Variants in DERA observed in about 807,000 individuals in gnomAD.
DERA encodes deoxyribose-phosphate aldolase, also known as 2-deoxy-D-ribose 5-phosphate aldolase.
DERA carries 15 observed loss-of-function variants against 41.1 expected under a neutral mutation model. That is an observed-to-expected ratio of 0.37 (90% CI 0.24 to 0.56). The LOEUF (loss-of-function observed/expected upper bound fraction) is 0.56, where lower values mean the gene tolerates loss of function less well. Among genes scored for constraint, DERA ranks in the 20% least tolerant of loss-of-function variants. The pLI, the probability that DERA is intolerant of heterozygous loss-of-function variation, is 0.81. For missense variants in DERA, 396 were observed against 403.4 expected (o/e 0.98, Z 0.16); for synonymous variants, 139 against 137.4 (o/e 1.01, Z -0.08).
rs1253874161 is a variant in DERA at position 15,922,481 on chromosome 12, T to C, written c.31+11067T>C. ...TGAGTGTTGCATTAAACTACTAATA[T>C]AGAGAAATTTTGGGACACAGTGATT... On this transcript the variant is annotated intron_variant, in intron 1 of 8. Coordinates refer to ENST00000428559, the MANE Select transcript of DERA (RefSeq NM_015954.4). This position sits in a 1 kb window ranked among gnomAD's most constrained non-coding sequence, Gnocchi z 4.9. Among the ~76,000 whole-genome samples the C allele has an allele frequency of 2.6e-5, 4 of 152,250 alleles. No individual in the cohort carries two copies. Among genetic ancestry groups the C allele is most frequent in the South Asian group, 4.1e-4 (2 of 4,822 alleles).
chr12:15,949,398 G>A (rs1328770400), intron 1 of DERA, among the ~76,000 whole-genome samples: 2 of 152,118 alleles, frequency 1.3e-5, no homozygotes, highest in Non-Finnish European at 2.9e-5. Flanking sequence ...CTCAGCAATG[G>A]CAGGCACCCC....
intron 1 of DERA, among the ~76,000 whole-genome samples, chr12:15,937,128 A>T (rs898051918): frequency 6.6e-6 from 1 of 151,768 alleles, no homozygotes; most frequent in African/African-American, 2.4e-5. Context: ...GCTAATTTTT[A>T]ATTTTTTTGT....
At chr12:15,912,919 G>A (rs751933554) in intron 1 of DERA, among the ~76,000 whole-genome samples, 3 of 152,154 alleles carry the variant, frequency 2.0e-5, no homozygotes, top group Non-Finnish European at 4.4e-5. Context: ...AGCTGATTAT[G>A]TTTTAAACTC....
rs1948621488 is a variant in DERA, at chr12:15,966,171, T to C, written c.508+3224T>C. Among the ~76,000 whole-genome samples, 1 of 152,118 alleles carries C rather than the reference T, an allele frequency of 6.6e-6. No individual in the cohort carries two copies. The highest frequency in any genetic ancestry group is 6.5e-5 in the Admixed American group (1 of 15,268). ...GCTGAAACAGGCACTTTGGGAGGCC[T>C]CATCACCTCTTGCTCTGCTGCCGCC... is the stretch of plus-strand genomic sequence containing the variant. On this transcript the variant is annotated intron_variant, in intron 5 of 8. Transcript: ENST00000428559. The surrounding 1 kb of genome is among the most constrained non-coding windows in gnomAD (Gnocchi z 5.1).
chr12:15,956,083 T>G (rs556163102), intron 1 of DERA, among the ~76,000 whole-genome samples: 1 of 152,280 alleles, frequency 6.6e-6, no homozygotes, highest in Admixed American at 6.5e-5. Flanking sequence ...CAAAGATGAG[T>G]AACATCATGG....
chr12:15,934,530 A>G (rs1592005264), intron 1 of DERA, among the ~76,000 whole-genome samples: 1 of 152,056 alleles, frequency 6.6e-6, no homozygotes, highest in Middle Eastern at 3.2e-3. Context: ...AGGAGGTTGC[A>G]GTGAGCCGAG....
rs533614836 is a variant in DERA, at chr12:16,012,575, T to C, written c.638-19967T>C. Among the ~76,000 whole-genome samples, 9 of 152,316 alleles carry C rather than the reference T, an allele frequency of 5.9e-5. No homozygotes were observed. Among genetic ancestry groups the C allele is most frequent in the African/African-American group, 2.2e-4 (9 of 41,578 alleles). On this transcript the variant is annotated intron_variant, in intron 6 of 8. Coordinates refer to ENST00000428559, the MANE Select transcript of DERA (RefSeq NM_015954.4). The surrounding 1 kb of genome is among the most constrained non-coding windows in gnomAD (Gnocchi z 4.1). ...AATTTGGGAGCAGAGCCGAGTTGTTTAGACAAGAGAGAATAGTCAAGTGCT... is the reference window on the plus strand; with the variant it reads ...AATTTGGGAGCAGAGCCGAGTTGTTCAGACAAGAGAGAATAGTCAAGTGCT...
rs534919543 is a variant in DERA at position 15,994,813 on chromosome 12, C to T, written c.637+12377C>T. 3.3e-5 allele frequency among the ~76,000 whole-genome samples: 5 copies of T among 152,152 alleles called. No individual in the cohort carries two copies. In the South Asian group the frequency reaches 8.3e-4, roughly 25 times the overall value. ...TGAATGGATCCCTCAGTATATTGTA[C>T]CAGGTAGATGCTTGATTATGCATAT... On this transcript the variant is annotated intron_variant, in intron 6 of 8. Coordinates refer to ENST00000428559, the MANE Select transcript of DERA (RefSeq NM_015954.4). This position sits in a 1 kb window ranked among gnomAD's most constrained non-coding sequence, Gnocchi z 4.8.
At chr12:15,934,459 A>C (rs1948351254) in intron 1 of DERA, among the ~76,000 whole-genome samples, 1 of 151,952 alleles carries the variant, frequency 6.6e-6, no homozygotes. Flanking sequence ...GGTGGTGGGC[A>C]CCTGTAGTCC....
At position 15,991,949 on chromosome 12, in the gene DERA, A is replaced by AATTTTATTTG. The variant is rs1321948488; in HGVS notation, c.637+9514_637+9515insTTTTATTTGA. On this transcript the variant is annotated intron_variant, in intron 6 of 8. Transcript: ENST00000428559. The stretch of plus-strand genomic sequence containing the variant: ...TAAATAAAATTTCTGTACTCTGTCA[A>AATTTTATTTG]ACCTCCTATTGATTATGCAAAGGCA... Among the ~76,000 whole-genome samples, 25 of 152,290 alleles carry AATTTTATTTG rather than the reference A, an allele frequency of 1.6e-4. No individual in the cohort carries two copies. In the East Asian group the frequency reaches 4.8e-3, roughly 29 times the overall value.
At position 15,921,310 on chromosome 12, in the gene DERA, C is replaced by CTTT. The variant is rs1442733501; in HGVS notation, c.31+9898_31+9899insTTT. On this transcript the variant is annotated intron_variant, in intron 1 of 8. Transcript: ENST00000428559. The surrounding 1 kb of genome is among the most constrained non-coding windows in gnomAD (Gnocchi z 5.3). ...TTAGTGGAAGGATATAATCAGTGTT[C>CTTT]TTGATGATTTTGGAAATTGACATAA... Among the ~76,000 whole-genome samples, 7 of 151,774 alleles carry CTTT rather than the reference C, an allele frequency of 4.6e-5. No homozygotes were observed.
intron 1 of DERA, among the ~76,000 whole-genome samples, chr12:15,942,744 TG>T (rs1948417588): frequency 6.6e-6 from 1 of 152,162 alleles, no homozygotes; most frequent in Non-Finnish European, 1.5e-5. Flanking sequence ...GTGAAACACT[TG>T]GTAAAGTAAC....
intron 5 of DERA, among the ~76,000 whole-genome samples, chr12:15,975,463 C>G (rs1443808067): frequency 1.3e-5 from 2 of 152,206 alleles, no homozygotes; most frequent in Admixed American, 1.3e-4. Context: ...AATCTTGCAG[C>G]CCCTAGCTGC....
intron 4 of DERA, among the ~76,000 whole-genome samples, chr12:15,962,236 G>A (rs2136149855): frequency 6.6e-6 from 1 of 152,284 alleles, no homozygotes; most frequent in Middle Eastern, 3.4e-3. Context: ...GGACTAATTA[G>A]GTGTGTTTTC....
At position 15,989,887 on chromosome 12, in the gene DERA, T is replaced by G. The variant is rs548383116; in HGVS notation, c.637+7451T>G. 3.7e-4 allele frequency among the ~76,000 whole-genome samples: 56 copies of G among 152,198 alleles called. No individual in the cohort carries two copies. Among genetic ancestry groups the G allele is most frequent in the Non-Finnish European group, 6.0e-4 (41 of 68,026 alleles). ...TAGTAGTCTAAACTGTAAGGATTATTGGTTTAATCTTGTTTAGAAATCTTT... is the reference window on the plus strand; with the variant it reads ...TAGTAGTCTAAACTGTAAGGATTATGGGTTTAATCTTGTTTAGAAATCTTT... On this transcript the variant is annotated intron_variant, in intron 6 of 8. Coordinates refer to ENST00000428559, the MANE Select transcript of DERA (RefSeq NM_015954.4). This position sits in a 1 kb window ranked among gnomAD's most constrained non-coding sequence, Gnocchi z 5.2.
intron 5 of DERA, among the ~76,000 whole-genome samples, chr12:15,979,272 A>G (rs1293654420): frequency 6.6e-6 from 1 of 152,218 alleles, no homozygotes; most frequent in African/African-American, 2.4e-5. Flanking sequence ...GTGCCACAGG[A>G]AGAGCTTGGG....
chr12:15,934,350 G>A (rs1313298092), intron 1 of DERA, among the ~76,000 whole-genome samples: 1 of 152,112 alleles, frequency 6.6e-6, no homozygotes, highest in African/African-American at 2.4e-5. Context: ...ACTTTGGGAG[G>A]CCGAGGCGGG....
In DERA at chr12:15,981,947, A is replaced by AG. The variant is rs1449334931; in HGVS notation, c.509-357dup. ...AAGATTTTTTTTTATTACTTTGCAA[A>AG]GGGGTACACCACTGTATGTATGGTA... On this transcript the variant is annotated intron_variant, in intron 5 of 8. Coordinates refer to ENST00000428559, the MANE Select transcript of DERA (RefSeq NM_015954.4). The surrounding 1 kb of genome is among the most constrained non-coding windows in gnomAD (Gnocchi z 6.1). Among the ~76,000 whole-genome samples the AG allele has an allele frequency of 6.6e-6, 1 of 152,198 alleles. No individual in the cohort carries two copies. Among genetic ancestry groups the AG allele is most frequent in the Non-Finnish European group, 1.5e-5 (1 of 68,030 alleles).
chr12:16,018,294 C>T (rs572822223), intron 6 of DERA, among the ~76,000 whole-genome samples: 1 of 152,218 alleles, frequency 6.6e-6, no homozygotes, highest in South Asian at 2.1e-4. Flanking sequence ...TTATTTTCCT[C>T]TCTTTGCAGT....
Sources: allele counts gnomAD v4.1 joint callset (sites outside exome capture counted in the v4.1 genomes callset), GRCh38; gene constraint gnomAD v4.1.1; non-coding constraint Gnocchi (gnomAD v3.1); transcripts MANE v1.5; gene names NCBI Gene and HGNC (gene_info 2026-07-23, HGNC 2026-07-21).